FBXO11: variants seen among roughly 807,000 people sequenced by gnomAD.
FBXO11 encodes F-box protein 11, also known as F-box only protein 11.
A neutral mutation model predicts 117.0 loss-of-function variants in FBXO11; 13 were observed. The ratio of observed to expected loss-of-function variants is 0.11; its 90% CI spans 0.07 to 0.18. FBXO11 has a LOEUF of 0.18. Among genes scored for constraint, FBXO11 ranks in the 10% least tolerant of loss-of-function variants. The probability of loss-of-function intolerance (pLI) is 1.00; values close to 1 mark genes in which losing one functional copy is unlikely to be tolerated. For missense variants in FBXO11, 767 were observed against 1,164.4 expected, an observed-to-expected ratio of 0.66 and a Z score of 4.97; for synonymous variants, 490 against 380.5, an observed-to-expected ratio of 1.29 and a Z score of -3.35.
intron 11 of FBXO11, 88 bp from the exon 12 acceptor site, chr2:47,823,448 A>C: frequency 1.0e-6 from 1 of 978,566 alleles, no homozygotes. Flanking sequence ...TGCATATCTA[A>C]AAATTAAGTA....
At chr2:47,819,617 T>C (rs1285205823) in intron 14 of FBXO11, among the ~76,000 whole-genome samples, 3 of 152,214 alleles carry the variant, frequency 2.0e-5, no homozygotes, top group Non-Finnish European at 4.4e-5. Flanking sequence ...ATAGTAGTAG[T>C]AGCATTCAAT....
rs112738160 is a variant in FBXO11 at position 47,873,916 on chromosome 2, A to T, written c.232+31573T>A. The stretch of plus-strand genomic sequence containing the variant: ...TTGTAAGGGCAGCTGGCTTTTTTTT[A>T]AAATATGTAACTTTAAAGCTGGGCC... On this transcript the variant is annotated intron_variant, in intron 1 of 22. Transcript: ENST00000403359. Among the ~76,000 whole-genome samples, 280 of 152,144 alleles carry T rather than the reference A, an allele frequency of 1.8e-3. 1 individual carries two copies. The highest frequency in any genetic ancestry group is 6.3e-3 in the African/African-American group (262 of 41,494).
At position 47,862,037 on chromosome 2, in the gene FBXO11, C is replaced by T. The variant is rs183346478; in HGVS notation, c.233-22268G>A. Among the ~76,000 whole-genome samples the T allele has an allele frequency of 1.2e-3, 180 of 152,156 alleles. 1 individual carries two copies. The highest frequency in any genetic ancestry group is 4.1e-3 in the African/African-American group (170 of 41,522). On this transcript the variant is annotated intron_variant, in intron 1 of 22. Transcript: ENST00000403359. ...AGGTGATTCTCCTGCCACAGCCTCC[C>T]GAGTGGCTGGGATTACGGGCGCACG...
At chr2:47,853,278 G>C (rs1674018578) in intron 1 of FBXO11, among the ~76,000 whole-genome samples, 1 of 151,930 alleles carries the variant, frequency 6.6e-6, no homozygotes, top group Non-Finnish European at 1.5e-5. Context: ...CACCACGTTG[G>C]CCAGGCTGGT....
At chr2:47,847,311 T>C (rs1404164297) in intron 1 of FBXO11, among the ~76,000 whole-genome samples, 2 of 152,172 alleles carry the variant, frequency 1.3e-5, no homozygotes, top group East Asian at 3.9e-4. Context: ...TCCTAGGCTG[T>C]AAGCCTGTGC....
rs544784695 is a variant in FBXO11 at position 47,844,013 on chromosome 2, T to C, written c.233-4244A>G. 1.2e-4 allele frequency among the ~76,000 whole-genome samples: 18 copies of C among 152,328 alleles called. No homozygotes were observed. In the East Asian group the frequency reaches 3.5e-3, roughly 29 times the overall value. ...GCCTCAGCCTCCCAAAGTGCTGGGA[T>C]TACAGGCATGAGCCACTGTGCCTGG... On this transcript the variant is annotated intron_variant, in intron 1 of 22. Transcript: ENST00000403359.
chr2:47,835,250 A>C (rs1456699121), intron 5 of FBXO11, among the ~76,000 whole-genome samples: 1 of 152,186 alleles, frequency 6.6e-6, no homozygotes, highest in African/African-American at 2.4e-5. Flanking sequence ...GTCCCACAGA[A>C]AGCAAAATCA....
intron 4 of FBXO11, among the ~76,000 whole-genome samples, chr2:47,838,160 A>C (rs1672735271): frequency 6.7e-6 from 1 of 150,046 alleles, no homozygotes; most frequent in Non-Finnish European, 1.5e-5. Flanking sequence ...TTGAGCCCAG[A>C]GGGTTGAGGC....
chr2:47,837,053 C>T (rs1234296851), intron 4 of FBXO11: 6 of 237,754 alleles, frequency 2.5e-5, no homozygotes, highest in South Asian at 2.4e-4. Flanking sequence ...AGATAATTTT[C>T]AGTAAAAATA....
chr2:47,873,018 A>T (rs1675737427), intron 1 of FBXO11, among the ~76,000 whole-genome samples: 3 of 152,166 alleles, frequency 2.0e-5, no homozygotes, highest in Admixed American at 6.5e-5. Context: ...GGTCTTGTTT[A>T]AAAAAGTCTG....
In FBXO11 at chr2:47,835,864, T is replaced by C; in HGVS notation, c.717+8A>G. ...TATAAACCAATATATTCTATTTATATTTCATACCAACTGCTGGAAACTCTC... is the reference window on the plus strand; with the variant it reads ...TATAAACCAATATATTCTATTTATACTTCATACCAACTGCTGGAAACTCTC... On this transcript the variant is annotated splice_region_variant and intron_variant, in intron 5 of 22. Coordinates refer to ENST00000403359, the MANE Select transcript of FBXO11 (RefSeq NM_001190274.2). The C allele has an allele frequency of 6.3e-7, 1 of 1,589,558 alleles. No individual in the cohort carries two copies. Among genetic ancestry groups the C allele is most frequent in the Non-Finnish European group, 8.6e-7 (1 of 1,165,252 alleles).
At chr2:47,827,236 G>A (rs1251350218) in intron 11 of FBXO11, among the ~76,000 whole-genome samples, 8 of 152,166 alleles carry the variant, frequency 5.3e-5, no homozygotes, top group Non-Finnish European at 1.2e-4. Flanking sequence ...TTGACTTATA[G>A]TTTTATAATT....
At chr2:47,875,498 C>CTTT (rs59848527) in intron 1 of FBXO11, among the ~76,000 whole-genome samples, 3 of 145,490 alleles carry the variant, frequency 2.1e-5, no homozygotes, top group South Asian at 4.3e-4. Flanking sequence ...CTTTTTTTGT[C>CTTT]TTTTTTTTTT....
At chr2:47,838,601 G>A (rs1480580571) in intron 4 of FBXO11, among the ~76,000 whole-genome samples, 1 of 152,052 alleles carries the variant, frequency 6.6e-6, no homozygotes, top group Non-Finnish European at 1.5e-5. Context: ...TTTCTAAAAA[G>A]CTACTAAAAG....
intron 1 of FBXO11, among the ~76,000 whole-genome samples, chr2:47,860,598 G>C (rs926087750): frequency 6.6e-6 from 1 of 151,526 alleles, no homozygotes; most frequent in South Asian, 2.1e-4. Context: ...GTAGAGACAG[G>C]GTTTCACTGT....
rs1671433848 is a variant in FBXO11 at position 47,822,098 on chromosome 2, A to G, written c.1702+120T>C. On this transcript the variant is annotated intron_variant, in intron 13 of 22. Coordinates refer to ENST00000403359, the MANE Select transcript of FBXO11 (RefSeq NM_001190274.2). ...AAGACCTCATTTCTTTAAAAAAGAA[A>G]AAAATTAAAGAGCTGGATCAGTGCT... 3 of 708,618 alleles carry G rather than the reference A, an allele frequency of 4.2e-6. No homozygotes were observed. In the South Asian group the frequency reaches 5.3e-5, roughly 12 times the overall value. The allele number at this position is 708,618 out of a possible 1,614,324, so 43.9% of individuals were successfully genotyped here.
At chr2:47,883,976 C>T (rs1433793304) in intron 1 of FBXO11, 1 of 152,984 alleles carries the variant, frequency 6.5e-6, no homozygotes, top group Non-Finnish European at 1.5e-5. Context: ...AATCCCAGCA[C>T]TTTGGGAGGC....
At chr2:47,831,980 T>C (rs1338476421) in intron 11 of FBXO11, among the ~76,000 whole-genome samples, 3 of 151,990 alleles carry the variant, frequency 2.0e-5, no homozygotes, top group African/African-American at 7.2e-5. Context: ...TAAAAATACA[T>C]ATTCTAAGCC....
rs1672419016 is a variant in FBXO11, at chr2:47,834,591, T to C, written c.922A>G (p.Met308Val). 3 of 1,574,584 alleles carry C rather than the reference T, an allele frequency of 1.9e-6. No homozygotes were observed. The highest frequency in any genetic ancestry group is 1.2e-5 in the South Asian group (1 of 83,538). ...CATTTCAAAATACCTGCACCAATCATGGTGATTGGAGATTCAATATATATC... is the reference window on the plus strand; with the variant it reads ...CATTTCAAAATACCTGCACCAATCACGGTGATTGGAGATTCAATATATATC... Reference protein sequence around the residue: ...EWIYIESPITMIGAAPGKVAD... With the variant: ...EWIYIESPITVIGAAPGKVAD... Residue 308 changes from methionine to valine, a missense_variant, in exon 7 of 23, where the codon ATG (methionine) becomes GTG (valine). This residue lies in a region of FBXO11 where 123 missense variants were observed against 145.0 expected (regional missense o/e 0.85). Coordinates refer to ENST00000403359, the MANE Select transcript of FBXO11 (RefSeq NM_001190274.2).
Sources: gnomAD v4.1 joint callset for allele counts (sites outside exome capture counted in the v4.1 genomes callset) on GRCh38, gnomAD v4.1.1 for gene constraint, gnomAD v4.1.1 regional missense constraint, MANE v1.5 for transcripts, NCBI Gene and HGNC (gene_info 2026-07-23, HGNC 2026-07-21) for gene names.